INCA1: variants seen among roughly 807,000 people sequenced by gnomAD.
INCA1 encodes the protein inhibitor of CDK, cyclin A1 interacting protein 1.
In INCA1, 28 loss-of-function variants were observed where a neutral mutation model predicts 25.7. The ratio of observed to expected loss-of-function variants is 1.09; its 90% CI spans 0.81 to 1.49. The LOEUF (loss-of-function observed/expected upper bound fraction) is 1.49. Among genes scored for constraint, INCA1 ranks in the 40% most tolerant of loss-of-function variants. The probability of loss-of-function intolerance (pLI) is 0.00; values close to 1 mark genes in which losing one functional copy is unlikely to be tolerated. For missense variants in INCA1, 309 were observed against 290.9 expected, an observed-to-expected ratio of 1.06 and a Z score of -0.45; for synonymous variants, 111 against 103.6, an observed-to-expected ratio of 1.07 and a Z score of -0.43.
At chr17:4,996,269 C>T (rs981745263) in intron 1 of INCA1, among the ~76,000 whole-genome samples, 3 of 151,504 alleles carry the variant, frequency 2.0e-5, no homozygotes, top group Admixed American at 6.6e-5. Flanking sequence ...CGCTTGTACC[C>T]GGAAGGCTGA....
exon 7 of INCA1, chr17:4,988,277 G>T: frequency 9.4e-7 from 1 of 1,063,016 alleles, no homozygotes; most frequent in Non-Finnish European, 1.3e-6. Flanking sequence ...TTCAGAGGAT[G>T]GGAAAGGCAG....
chr17:4,994,789 CAAAAAAAAAAAAA>C (rs34186821), intron 1 of INCA1, among the ~76,000 whole-genome samples: 7 of 70,822 alleles, frequency 9.9e-5, no homozygotes, highest in Non-Finnish European at 1.7e-4. Flanking sequence ...GACTCTGTCT[CAAAAAAAAAAAAA>C]AAAAAAAAAA....
At chr17:4,988,988 G>C (rs1339407455) in intron 5 of INCA1, 44 bp from the exon 6 acceptor site, 1 of 1,567,218 alleles carries the variant, frequency 6.4e-7, no homozygotes, top group Non-Finnish European at 8.7e-7. Context: ...TGGAGGCCAG[G>C]CTTCCTGTCT....
chr17:4,991,503 G>C (rs1183911650), intron 2 of INCA1, among the ~76,000 whole-genome samples: 38 of 152,148 alleles, frequency 2.5e-4, no homozygotes, highest in Admixed American at 2.5e-3. Context: ...AGAGCTGTTT[G>C]AGAACACTGC....
chr17:4,988,741 T>A (rs1388244418), intron 6 of INCA1, 38 bp downstream of exon 6: 29 of 1,610,996 alleles, frequency 1.8e-5, no homozygotes, highest in Non-Finnish European at 2.5e-5. Flanking sequence ...GAGACCCACA[T>A]CACTCCCTCA....
chr17:4,989,351 A>C (rs1292568606), intron 5 of INCA1, 77 bp downstream of exon 5: 2 of 1,395,590 alleles, frequency 1.4e-6, no homozygotes, highest in Admixed American at 4.0e-5. Flanking sequence ...CAAAGCTGTC[A>C]ACCCCTTCCT....
intron 2 of INCA1, among the ~76,000 whole-genome samples, chr17:4,992,427 G>A (rs563033580): frequency 1.4e-3 from 206 of 151,466 alleles, no homozygotes; most frequent in African/African-American, 4.6e-3. Flanking sequence ...GACTACAGGC[G>A]TGTGCCACCA....
chr17:4,990,367 C>A, intron 2 of INCA1, 102 bp from the exon 3 acceptor site: 1 of 1,350,574 alleles, frequency 7.4e-7, no homozygotes, highest in Non-Finnish European at 1.0e-6. Flanking sequence ...TATAAAGCTG[C>A]CCAGGTTCCC....
chr17:4,988,402 T>C, exon 7 of INCA1: 1 of 1,592,602 alleles, frequency 6.3e-7, no homozygotes, highest in Non-Finnish European at 8.5e-7. Flanking sequence ...CGGTGGTTTC[T>C]CCTTACTCTT....
In INCA1 at chr17:4,996,957, G is replaced by C. The variant is rs527577293; in HGVS notation, c.-39+46C>G. The stretch of plus-strand genomic sequence containing the variant: ...AGCAGAACGCGAGGGAGCAGCGGGA[G>C]CTGCGGGGCATTCGGGCCTCAGATA... On this transcript the variant is annotated intron_variant, in intron 1 of 6. Coordinates refer to ENST00000576820, the Ensembl canonical transcript of INCA1. 8.7e-4 allele frequency: 133 copies of C among 153,346 alleles called. 1 individual carries two copies. In the South Asian group the frequency reaches 9.5e-3, roughly 11 times the overall value. The allele number at this position is 153,346 out of a possible 1,614,324, so 9.5% of individuals were successfully genotyped here.
At chr17:4,990,051 G>A in intron 3 of INCA1, 101 bp downstream of exon 3, 2 of 1,611,846 alleles carry the variant, frequency 1.2e-6, no homozygotes, top group Non-Finnish European at 1.7e-6. Flanking sequence ...CCAGCCAGTG[G>A]GAAATTAACC....
intron 1 of INCA1, among the ~76,000 whole-genome samples, chr17:4,996,639 C>T (rs1402866280): frequency 1.5e-5 from 2 of 132,498 alleles, no homozygotes; most frequent in Non-Finnish European, 3.1e-5. Context: ...CCGAGGTCAG[C>T]CTGGGCAACA....
At chr17:4,994,271 A>G in intron 2 of INCA1, 123 bp downstream of exon 2, 1 of 863,398 alleles carries the variant, frequency 1.2e-6, no homozygotes, top group Non-Finnish European at 1.9e-6. Flanking sequence ...TGAATCATCA[A>G]TCCCCTGAGA....
chr17:4,997,316 C>T (rs1021650644), upstream of INCA1, among the ~76,000 whole-genome samples: 3 of 152,172 alleles, frequency 2.0e-5, no homozygotes, highest in African/African-American at 4.8e-5. Flanking sequence ...GGCTGAAGGG[C>T]AGGCTGGGGC....
At chr17:4,990,509 T>C (rs1169350380) in intron 2 of INCA1, among the ~76,000 whole-genome samples, 1 of 152,116 alleles carries the variant, frequency 6.6e-6, no homozygotes, top group Non-Finnish European at 1.5e-5. Context: ...GAGTTTAAGC[T>C]CTATATCGGG....
At chr17:4,988,161 A>G, downstream of INCA1, 2 of 423,230 alleles carry the variant, frequency 4.7e-6, no homozygotes, top group Non-Finnish European at 8.4e-6. Context: ...AACAGAGCAG[A>G]GAGAATACAA....
intron 2 of INCA1, 108 bp downstream of exon 2, chr17:4,994,286 G>C: frequency 5.3e-6 from 5 of 946,206 alleles, no homozygotes; most frequent in Non-Finnish European, 8.5e-6. Flanking sequence ...CTGAGACCAG[G>C]CATTGCATTT....
intron 2 of INCA1, 62 bp from the exon 3 acceptor site, chr17:4,990,327 A>G: frequency 1.3e-6 from 2 of 1,540,578 alleles, no homozygotes; most frequent in Admixed American, 2.1e-5. Flanking sequence ...TACTCATCCC[A>G]AGGATTCAGG....
intron 4 of INCA1, 68 bp from the exon 5 acceptor site, chr17:4,989,692 A>G: frequency 1.3e-6 from 2 of 1,589,296 alleles, no homozygotes. Context: ...CTTGGATTGA[A>G]CTAGGTAGGG....
Sources: allele counts gnomAD v4.1 joint callset (sites outside exome capture counted in the v4.1 genomes callset), GRCh38; gene constraint gnomAD v4.1.1; transcripts MANE v1.5; gene names NCBI Gene and HGNC (gene_info 2026-07-23, HGNC 2026-07-21).